Variants in CHCHD6 observed in about 807,000 individuals in gnomAD.
CHCHD6 encodes coiled-coil-helix-coiled-coil-helix domain containing 6.
Under a neutral mutation model 32.3 loss-of-function variants are expected in CHCHD6, and 28 were observed. The ratio of observed to expected loss-of-function variants is 0.87; its 90% CI spans 0.64 to 1.19. The LOEUF (loss-of-function observed/expected upper bound fraction) is 1.19. CHCHD6 is among the 50% of genes most tolerant of loss of function. The probability of loss-of-function intolerance (pLI) is 0.00; values close to 1 mark genes in which losing one functional copy is unlikely to be tolerated. For synonymous variants in CHCHD6, 122 were observed against 117.5 expected, an observed-to-expected ratio of 1.04 and a Z score of -0.25; for missense variants, 333 against 307.0, an observed-to-expected ratio of 1.08 and a Z score of -0.63.
intron 6 of CHCHD6, among the ~76,000 whole-genome samples, chr3:126,939,886 G>A (rs1243149919): frequency 6.6e-6 from 1 of 151,948 alleles, no homozygotes; most frequent in African/African-American, 2.4e-5. Flanking sequence ...TGTCCCTCAG[G>A]CCTCATCTTC....
intron 4 of CHCHD6, among the ~76,000 whole-genome samples, chr3:126,736,466 G>C (rs535889801): frequency 6.6e-6 from 1 of 152,322 alleles, no homozygotes; most frequent in Non-Finnish European, 1.5e-5. Flanking sequence ...ATTTCCTGTT[G>C]TACTGAGTGC....
In CHCHD6 at chr3:126,904,735, C is replaced by CT. The variant is rs1206276166; in HGVS notation, c.496-9941dup. Among the ~76,000 whole-genome samples the CT allele has an allele frequency of 2.6e-5, 4 of 152,318 alleles. No individual in the cohort carries two copies. In the South Asian group the frequency reaches 8.3e-4, roughly 32 times the overall value. On this transcript the variant is annotated intron_variant, in intron 5 of 7. Coordinates refer to ENST00000290913, the MANE Select transcript of CHCHD6 (RefSeq NM_032343.3). Reference sequence around the variant, plus strand: ...CAGAGAGAGAATGACATAGAGCGATCTTTTCTCTGCCTTCTCACAAATGCC... The same window carrying CT: ...CAGAGAGAGAATGACATAGAGCGATCTTTTTCTCTGCCTTCTCACAAATGCC...
intron 4 of CHCHD6, among the ~76,000 whole-genome samples, chr3:126,741,888 G>C (rs1266431748): frequency 1.3e-5 from 2 of 152,172 alleles, no homozygotes; most frequent in Non-Finnish European, 2.9e-5. Flanking sequence ...AGGCTGTACT[G>C]TTTGAAAAGT....
intron 5 of CHCHD6, among the ~76,000 whole-genome samples, chr3:126,892,653 A>C (rs76758119): frequency 0.023 from 3,397 of 150,662 alleles, 133 homozygotes; most frequent in African/African-American, 0.078. Flanking sequence ...CTCTGCATAA[A>C]CCCCCCCTTC....
intron 4 of CHCHD6, among the ~76,000 whole-genome samples, chr3:126,733,964 T>G (rs1360869768): frequency 1.3e-5 from 2 of 152,182 alleles, no homozygotes; most frequent in Non-Finnish European, 2.9e-5. Context: ...AGTGTGCCAG[T>G]GCATCCTAGG....
chr3:126,853,550 C>A, intron 5 of CHCHD6, among the ~76,000 whole-genome samples: 1 of 152,150 alleles, frequency 6.6e-6, no homozygotes, highest in East Asian at 1.9e-4. Context: ...GGGTTTTCTC[C>A]TGTGGCATGC....
intron 5 of CHCHD6, among the ~76,000 whole-genome samples, chr3:126,857,313 C>T (rs1305329453): frequency 6.6e-6 from 1 of 152,134 alleles, no homozygotes; most frequent in Non-Finnish European, 1.5e-5. Context: ...TGGAGAAGGT[C>T]TTTTTCAGGG....
At chr3:126,837,947 A>G (rs1294463082) in intron 4 of CHCHD6, among the ~76,000 whole-genome samples, 2 of 152,186 alleles carry the variant, frequency 1.3e-5, no homozygotes, top group Non-Finnish European at 2.9e-5. Context: ...CTGAGAGGCC[A>G]TCTGTCCTGT....
rs182130506 is a variant in CHCHD6 at position 126,801,369 on chromosome 3, T to A, written c.412-51278T>A. ...GGGTCACTCCCACCCGATACTGCAC[T>A]TTTCTGATGGGCTTAGGAAATGGCG... On this transcript the variant is annotated intron_variant, in intron 4 of 7. Transcript: ENST00000290913. 2.0e-4 allele frequency among the ~76,000 whole-genome samples: 30 copies of A among 152,316 alleles called. No individual in the cohort carries two copies. The South Asian group carries it at 3.3e-3, about 17-fold the overall frequency.
At chr3:126,865,309 A>G (rs1235780670) in intron 5 of CHCHD6, among the ~76,000 whole-genome samples, 2 of 146,694 alleles carry the variant, frequency 1.4e-5, no homozygotes, top group Non-Finnish European at 3.0e-5. Flanking sequence ...TACCAACTAC[A>G]CCTCTACCAC....
At chr3:126,911,595 T>C (rs1452400698) in intron 5 of CHCHD6, among the ~76,000 whole-genome samples, 1 of 152,212 alleles carries the variant, frequency 6.6e-6, no homozygotes, top group Non-Finnish European at 1.5e-5. Flanking sequence ...CTCTGAGTCA[T>C]TCTGAGAAAC....
chr3:126,862,156 C>T (rs865851252), intron 5 of CHCHD6, among the ~76,000 whole-genome samples: 33 of 31,070 alleles, frequency 1.1e-3, no homozygotes, highest in Admixed American at 1.3e-3. Context: ...CACCACCTCC[C>T]CCTCCTCCAC....
chr3:126,953,927 A>C (rs1187506145), intron 6 of CHCHD6, among the ~76,000 whole-genome samples: 1 of 152,190 alleles, frequency 6.6e-6, no homozygotes, highest in Non-Finnish European at 1.5e-5. Context: ...CATTGTAAAC[A>C]GGGTCATGGT....
At chr3:126,889,215 G>T (rs2077721992) in intron 5 of CHCHD6, among the ~76,000 whole-genome samples, 1 of 152,122 alleles carries the variant, frequency 6.6e-6, no homozygotes, top group African/African-American at 2.4e-5. Flanking sequence ...GGAGAGAAGG[G>T]CCCAGGGCAG....
chr3:126,744,622 AC>A (rs1161081387), intron 4 of CHCHD6, among the ~76,000 whole-genome samples: 6 of 152,114 alleles, frequency 3.9e-5, no homozygotes, highest in African/African-American at 1.4e-4. Context: ...TGAACAAGAC[AC>A]CAGGGGCAGC....
intron 6 of CHCHD6, chr3:126,949,703 T>C: frequency 5.0e-6 from 1 of 199,354 alleles, no homozygotes; most frequent in Non-Finnish European, 1.0e-5. Context: ...CAGAGCCTTA[T>C]CACCAATGGG....
chr3:126,727,125 C>T lies in CHCHD6; in HGVS notation c.135C>T (p.Pro45=). The part of the protein sequence containing the change: ...VNRMKEPSSP[P]PAPTSSTFGL... ...GCATGAAGGAGCCCAGCTCTCCACC[C>T]CCTGCTCCCACATCTTCTACCTTTG... Residue 45 remains proline (P), a synonymous_variant, in exon 2 of 8, where the codon CCC becomes CCT. Coordinates refer to ENST00000290913, the MANE Select transcript of CHCHD6 (RefSeq NM_032343.3). 1 of 1,614,100 alleles carries T rather than the reference C, an allele frequency of 6.2e-7. No homozygotes were observed. Among genetic ancestry groups the T allele is most frequent in the South Asian group, 1.1e-5 (1 of 91,078 alleles).
chr3:126,912,354 G>C (rs776408293), intron 5 of CHCHD6, among the ~76,000 whole-genome samples: 1 of 152,176 alleles, frequency 6.6e-6, no homozygotes, highest in Non-Finnish European at 1.5e-5. Flanking sequence ...GGCAGTGCTG[G>C]TGGATACTGG....
intron 4 of CHCHD6, among the ~76,000 whole-genome samples, chr3:126,741,136 C>G (rs1024042887): frequency 5.9e-5 from 9 of 152,156 alleles, no homozygotes; most frequent in African/African-American, 1.9e-4. Flanking sequence ...ATTGGACAAA[C>G]ACGGGCTGTG....
Sources: gnomAD v4.1 joint callset for allele counts (sites outside exome capture counted in the v4.1 genomes callset) on GRCh38, gnomAD v4.1.1 for gene constraint, MANE v1.5 for transcripts, NCBI Gene and HGNC (gene_info 2026-07-23, HGNC 2026-07-21) for gene names.